TAFA4: variants seen among roughly 807,000 people sequenced by gnomAD.
TAFA4 encodes the protein chemokine-like protein TAFA-4.
Under a neutral mutation model 21.1 loss-of-function variants are expected in TAFA4, and 20 were observed. That is an observed-to-expected ratio of 0.95 (90% CI 0.67 to 1.38). TAFA4 has a LOEUF of 1.38. TAFA4 is among the 40% of genes most tolerant of loss of function. The pLI, the probability that TAFA4 is intolerant of heterozygous loss-of-function variation, is 0.00. For missense variants in TAFA4, 211 were observed against 180.9 expected, an observed-to-expected ratio of 1.17 and a Z score of -0.95; for synonymous variants, 71 against 67.4, an observed-to-expected ratio of 1.05 and a Z score of -0.26.
Position 68,885,427 on chromosome 3 carries a change from A to T in TAFA4, c.-122-117T>A, listed in dbSNP as rs2089661895. On this transcript the variant is annotated intron_variant, in intron 1 of 5. Transcript: ENST00000295569. ...AACCATGACACCTGCAGTTTCAGGC[A>T]AGTGGCAGACAGCCAAACATATCCA... The T allele has an allele frequency of 1.1e-5, 6 of 533,672 alleles. No homozygotes were observed. The South Asian group carries it at 1.5e-4, about 13-fold the overall frequency. The allele number at this position is 533,672 out of a possible 1,614,324, so 33.1% of individuals were successfully genotyped here. A position where few individuals can be genotyped will look rare whatever the true frequency, so the allele number is the denominator to read the frequency against.
intron 3 of TAFA4, among the ~76,000 whole-genome samples, chr3:68,844,441 T>A (rs1374138015): frequency 6.7e-6 from 1 of 150,274 alleles, no homozygotes; most frequent in Non-Finnish European, 1.5e-5. Flanking sequence ...GTAGTCTATC[T>A]ATTTTGTTAA....
intron 3 of TAFA4, among the ~76,000 whole-genome samples, chr3:68,852,831 A>G (rs752162640): frequency 3.3e-5 from 5 of 152,174 alleles, no homozygotes; most frequent in Non-Finnish European, 5.9e-5. Flanking sequence ...AAGCAAACCA[A>G]TGAGACTGAA....
chr3:68,868,259 T>C (rs1430454461), intron 3 of TAFA4, among the ~76,000 whole-genome samples: 2 of 152,066 alleles, frequency 1.3e-5, no homozygotes, highest in Non-Finnish European at 2.9e-5. Flanking sequence ...AGGTTCACTA[T>C]ATAACGATAA....
At chr3:68,890,625 G>A (rs927387243) in intron 1 of TAFA4, among the ~76,000 whole-genome samples, 1 of 152,258 alleles carries the variant, frequency 6.6e-6, no homozygotes, top group African/African-American at 2.4e-5. Flanking sequence ...ATAGGTAGAA[G>A]TGGCTTGTCC....
intron 3 of TAFA4, among the ~76,000 whole-genome samples, chr3:68,861,038 C>T (rs959843518): frequency 3.7e-5 from 5 of 134,852 alleles, no homozygotes; most frequent in African/African-American, 1.3e-4. Flanking sequence ...GCACCCCCCC[C>T]CCGCCCCCAC....
At chr3:68,773,370 G>A (rs1409444729) in intron 3 of TAFA4, among the ~76,000 whole-genome samples, 3 of 152,164 alleles carry the variant, frequency 2.0e-5, no homozygotes, top group Admixed American at 2.0e-4. Context: ...CTTGGATTCA[G>A]GGTACAACAC....
chr3:68,733,965 C>T (rs989568912), intron 5 of TAFA4, among the ~76,000 whole-genome samples: 4 of 151,950 alleles, frequency 2.6e-5, no homozygotes, highest in African/African-American at 9.7e-5. Context: ...AAACCCTGCC[C>T]CCATGGAGCT....
At position 68,860,984 on chromosome 3, in the gene TAFA4, T is replaced by A. The variant is rs376550359; in HGVS notation, c.130+19746A>T. On this transcript the variant is annotated intron_variant, in intron 3 of 5. Coordinates refer to ENST00000295569, the MANE Select transcript of TAFA4 (RefSeq NM_182522.5). ...TTTCTGGGACTCTAAAGTGGAATGG[T>A]CACTGTGGTCAGCCATCTGTTAGCA... is the stretch of plus-strand genomic sequence containing the variant. Among the ~76,000 whole-genome samples, 18 of 151,840 alleles carry A rather than the reference T, an allele frequency of 1.2e-4. No homozygotes were observed. The East Asian group carries it at 3.5e-3, about 30-fold the overall frequency.
intron 3 of TAFA4, among the ~76,000 whole-genome samples, chr3:68,843,607 G>A (rs1575636743): frequency 6.6e-6 from 1 of 152,154 alleles, no homozygotes; most frequent in Admixed American, 6.5e-5. Flanking sequence ...GTTTTCAAGG[G>A]GAATGCTTCC....
rs371725149 is a variant in TAFA4 at position 68,841,336 on chromosome 3, AT to A, written c.130+39393del. Among the ~76,000 whole-genome samples the A allele has an allele frequency of 1.3e-5, 2 of 150,670 alleles. 1 individual carries two copies. Among genetic ancestry groups the A allele is most frequent in the African/African-American group, 4.9e-5 (2 of 40,640 alleles). On this transcript the variant is annotated intron_variant, in intron 3 of 5. Transcript: ENST00000295569. ...AGACTCCGTCTCAAAAAAAAAAAAA[AT>A]AAAAAAAAATAAAATCCACACACAT...
At chr3:68,749,916 A>G (rs1014006705) in intron 4 of TAFA4, among the ~76,000 whole-genome samples, 8 of 152,216 alleles carry the variant, frequency 5.3e-5, no homozygotes, top group Non-Finnish European at 7.3e-5. Flanking sequence ...GGACATATAT[A>G]TCATCACATA....
intron 3 of TAFA4, among the ~76,000 whole-genome samples, chr3:68,844,498 T>C (rs186665820): frequency 9.8e-4 from 149 of 152,128 alleles, no homozygotes; most frequent in Non-Finnish European, 1.7e-3. Flanking sequence ...TTTTGAAGGG[T>C]TTTTCATGTC....
intron 1 of TAFA4, among the ~76,000 whole-genome samples, chr3:68,891,735 G>A (rs186124421): frequency 2.0e-5 from 3 of 152,122 alleles, no homozygotes; most frequent in Admixed American, 6.6e-5. Flanking sequence ...GGTAGGGATG[G>A]GGGGAGACTA....
intron 1 of TAFA4, among the ~76,000 whole-genome samples, chr3:68,927,115 A>T (rs2090115358): frequency 6.6e-6 from 1 of 152,112 alleles, no homozygotes; most frequent in South Asian, 2.1e-4. Flanking sequence ...CCCCCATTGG[A>T]GCAATTTTAA....
At chr3:68,836,598 C>T (rs1274611378) in intron 3 of TAFA4, among the ~76,000 whole-genome samples, 1 of 152,156 alleles carries the variant, frequency 6.6e-6, no homozygotes, top group Non-Finnish European at 1.5e-5. Flanking sequence ...TTATTAAGCA[C>T]CTACTACATT....
At chr3:68,915,182 T>C (rs7643035) in intron 1 of TAFA4, among the ~76,000 whole-genome samples, 32,060 of 152,080 alleles carry the variant, frequency 0.21, 3,400 homozygotes, top group Middle Eastern at 0.32. Context: ...ATACCCACCA[T>C]GATTAATTCC....
chr3:68,889,764 T>C (rs902322966), intron 1 of TAFA4, among the ~76,000 whole-genome samples: 1 of 152,180 alleles, frequency 6.6e-6, no homozygotes, highest in African/African-American at 2.4e-5. Context: ...CTAAATAGTA[T>C]CAAGGTCATG....
chr3:68,885,908 C>A (rs543053389), intron 1 of TAFA4, among the ~76,000 whole-genome samples: 2 of 152,092 alleles, frequency 1.3e-5, no homozygotes, highest in South Asian at 2.1e-4. Flanking sequence ...AACGCATAAA[C>A]CTAAAAGGAT....
intron 1 of TAFA4, among the ~76,000 whole-genome samples, chr3:68,925,602 G>C (rs1463791038): frequency 1.3e-5 from 2 of 152,138 alleles, no homozygotes; most frequent in African/African-American, 4.8e-5. Context: ...TTGATGTCTG[G>C]TAAACAGGAT....
Sources: gnomAD v4.1 joint callset for allele counts (sites outside exome capture counted in the v4.1 genomes callset) on GRCh38, gnomAD v4.1.1 for gene constraint, MANE v1.5 for transcripts, NCBI Gene and HGNC (gene_info 2026-07-23, HGNC 2026-07-21) for gene names.